Variants in NCOR2 observed in about 807,000 individuals in gnomAD.
NCOR2 encodes nuclear receptor corepressor 2.
In NCOR2, 81 loss-of-function variants were observed where a neutral mutation model predicts 262.9. The ratio of observed to expected loss-of-function variants is 0.31; its 90% CI spans 0.26 to 0.37. The LOEUF (loss-of-function observed/expected upper bound fraction) is 0.37, where lower values mean the gene tolerates loss of function less well. Ranked by LOEUF, NCOR2 falls within the 10% of genes least tolerant of loss-of-function variation. The pLI, the probability that NCOR2 is intolerant of heterozygous loss-of-function variation, is 1.00. For missense variants in NCOR2, 3,385 were observed against 3,621.4 expected (o/e 0.93, Z 1.68); for synonymous variants, 1,659 against 1,559.3 (o/e 1.06, Z -1.51).
chr12:124,564,863 G>A (rs1196113043), intron 1 of NCOR2, among the ~76,000 whole-genome samples: 4 of 151,500 alleles, frequency 2.6e-5, no homozygotes, highest in Non-Finnish European at 5.9e-5. Flanking sequence ...GACTCCTGGG[G>A]CTAGCTTCCA....
At position 124,432,857 on chromosome 12, in the gene NCOR2, G is replaced by A. The variant is rs1313794645; in HGVS notation, c.883-2070C>T. Among the ~76,000 whole-genome samples, 7 of 149,970 alleles carry A rather than the reference G, an allele frequency of 4.7e-5. No individual in the cohort carries two copies. Among genetic ancestry groups the A allele is most frequent in the Admixed American group, 1.3e-4 (2 of 15,150 alleles). The stretch of plus-strand genomic sequence containing the variant: ...CTCCAAGGTGACTTGAGCAAGTGGC[G>A]GCGGGGGGCGGGGGGTGGGGGCGGG... On this transcript the variant is annotated intron_variant, in intron 8 of 46. Transcript: ENST00000405201. This position sits in a 1 kb window ranked among gnomAD's most constrained non-coding sequence, Gnocchi z 5.1.
intron 1 of NCOR2, among the ~76,000 whole-genome samples, chr12:124,554,499 C>A (rs988179213): frequency 3.3e-5 from 5 of 152,332 alleles, no homozygotes; most frequent in East Asian, 3.9e-4. Context: ...AAAAGCCAGG[C>A]GCCCCCTTCT....
rs75137313 is a variant in NCOR2, at chr12:124,483,983, G to A, written c.234-210C>T. On this transcript the variant is annotated intron_variant, in intron 2 of 46. Transcript: ENST00000405201. This position sits in a 1 kb window ranked among gnomAD's most constrained non-coding sequence, Gnocchi z 6.3. ...GCCTTCCTTCAGGTCCACATTCACC[G>A]AGGACATTTACAGGGAGGGAGTGTG... Among the ~76,000 whole-genome samples the A allele has an allele frequency of 0.011, 1,671 of 152,246 alleles. 27 individuals carry two copies. The highest frequency in any genetic ancestry group is 0.038 in the African/African-American group (1,583 of 41,552).
intron 8 of NCOR2, among the ~76,000 whole-genome samples, chr12:124,431,451 G>C (rs1018138264): frequency 1.4e-5 from 2 of 147,532 alleles, no homozygotes; most frequent in African/African-American, 2.6e-5. Context: ...CAGACAGACA[G>C]TCATATAGGC....
intron 22 of NCOR2, among the ~76,000 whole-genome samples, chr12:124,361,141 A>G (rs1253883339): frequency 1.1e-3 from 152 of 133,546 alleles, no homozygotes; most frequent in Admixed American, 5.4e-3. Flanking sequence ...AAAAAAAAAA[A>G]AGAGAAGGGG....
chr12:124,527,191 G>A lies in NCOR2; in HGVS notation c.-118+8374C>T, dbSNP rs116212400. Among the ~76,000 whole-genome samples, 471 of 152,296 alleles carry A rather than the reference G, an allele frequency of 3.1e-3. 2 individuals carry two copies. The highest frequency in any genetic ancestry group is 0.011 in the African/African-American group (449 of 41,572). On this transcript the variant is annotated intron_variant, in intron 1 of 46. Transcript: ENST00000404621. Reference sequence around the variant, plus strand: ...GAACAGGCCGTGCTGAAGGGTAGATGACAAACACGGCGCCCCGCACAGACG... The same window carrying A: ...GAACAGGCCGTGCTGAAGGGTAGATAACAAACACGGCGCCCCGCACAGACG...
chr12:124,558,800 A>G (rs984404095), intron 1 of NCOR2, among the ~76,000 whole-genome samples: 4 of 152,084 alleles, frequency 2.6e-5, no homozygotes, highest in Admixed American at 6.5e-5. Flanking sequence ...TTGCACCCCA[A>G]CGGGCCCCTG....
At chr12:124,386,872 G>A (rs768512914) in intron 16 of NCOR2, among the ~76,000 whole-genome samples, 1 of 152,232 alleles carries the variant, frequency 6.6e-6, no homozygotes, top group Non-Finnish European at 1.5e-5. Context: ...CCAGCGGCGT[G>A]ACCTTGTGTG....
At chr12:124,385,935 A>G (rs778345216) in intron 16 of NCOR2, 48 bp from the exon 19 acceptor site, 15 of 1,591,702 alleles carry the variant, frequency 9.4e-6, no homozygotes, top group Middle Eastern at 3.3e-4. Context: ...CCCGGCACGC[A>G]GAGGGGGCCT....
chr12:124,348,549 C>T (rs559922804), intron 28 of NCOR2: 8 of 565,622 alleles, frequency 1.4e-5, no homozygotes, highest in East Asian at 6.1e-5. Context: ...ATGCAGGGCA[C>T]GCTGCCTGCA....
At position 124,482,442 on chromosome 12, in the gene NCOR2, C is replaced by T. The variant is rs2047544686; in HGVS notation, c.411+1154G>A. Reference sequence around the variant, plus strand: ...GTATCCTCTCTCCCCGAGAGAAGGCCGAGTCTGGCCCAGGTGGCCTGGCCC... The same window carrying T: ...GTATCCTCTCTCCCCGAGAGAAGGCTGAGTCTGGCCCAGGTGGCCTGGCCC... On this transcript the variant is annotated intron_variant, in intron 3 of 46. Coordinates refer to ENST00000405201, the Ensembl canonical transcript of NCOR2. This position sits in a 1 kb window ranked among gnomAD's most constrained non-coding sequence, Gnocchi z 6.3. 2.0e-5 allele frequency among the ~76,000 whole-genome samples: 3 copies of T among 152,186 alleles called. No homozygotes were observed. The highest frequency in any genetic ancestry group is 4.4e-5 in the Non-Finnish European group (3 of 68,018).
chr12:124,532,240 G>A (rs781456107), intron 1 of NCOR2, among the ~76,000 whole-genome samples: 5 of 150,286 alleles, frequency 3.3e-5, no homozygotes, highest in African/African-American at 4.9e-5. Flanking sequence ...CTACCATCAC[G>A]GTTCTTACTC....
chr12:124,333,326 AG>A (rs762722636), intron 41 of NCOR2, 47 bp from the exon 44 acceptor site: 63 of 1,470,880 alleles, frequency 4.3e-5, no homozygotes, highest in Admixed American at 2.3e-4. Flanking sequence ...CTCCCTACTG[AG>A]GGGGCGCACC....
At chr12:124,347,542 C>T (rs537708004) in intron 30 of NCOR2, 37 of 424,704 alleles carry the variant, frequency 8.7e-5, no homozygotes, top group African/African-American at 4.3e-4. Flanking sequence ...TAAAACGATA[C>T]GCAGGTGGCA....
chr12:124,328,346 G>A (rs186710303), intron 44 of NCOR2, among the ~76,000 whole-genome samples: 15 of 152,284 alleles, frequency 9.9e-5, no homozygotes, highest in African/African-American at 2.2e-4. Context: ...GTTACGGTGC[G>A]TGCAGGGGAC....
chr12:124,334,465 AC>A lies in NCOR2; in HGVS notation c.6563del (p.Gly2188ValfsTer41). ...TGTGGGGGGAGCCACGGGCCGGGGC[AC>A]CATGGTCCGGGGGCGGGAGGTAGAG... On this transcript the variant is annotated frameshift_variant, in exon 41 of 47. Coordinates refer to ENST00000405201, the Ensembl canonical transcript of NCOR2. LOFTEE classifies it high-confidence loss of function. 6.7e-7 allele frequency: 1 copy of A among 1,483,746 alleles called. No individual in the cohort carries two copies. Among genetic ancestry groups the A allele is most frequent in the South Asian group, 1.3e-5 (1 of 74,244 alleles). 91.9% of individuals were successfully genotyped at this position (1,483,746 alleles called of 1,614,324 possible). A position where few individuals can be genotyped will look rare whatever the true frequency, so the allele number is the denominator to read the frequency against.
chr12:124,450,089 C>T lies in NCOR2; in HGVS notation c.763-222G>A, dbSNP rs920246895. Among the ~76,000 whole-genome samples, 3 of 152,348 alleles carry T rather than the reference C, an allele frequency of 2.0e-5. 1 individual carries two copies. The Middle Eastern group carries it at 0.01, about 518-fold the overall frequency. The stretch of plus-strand genomic sequence containing the variant: ...AACAGCTGTGGGTACTGTGACCACC[C>T]CCACCAAGGTCGTCATGGCTGCTCT... On this transcript the variant is annotated intron_variant, in intron 6 of 46. Coordinates refer to ENST00000405201, the Ensembl canonical transcript of NCOR2.
intron 7 of NCOR2, among the ~76,000 whole-genome samples, chr12:124,441,010 T>G (rs1343842208): frequency 1.3e-5 from 2 of 152,118 alleles, no homozygotes; most frequent in African/African-American, 4.8e-5. Context: ...TGAGCAAGAC[T>G]GGCAGGGCCA....
At chr12:124,398,296 C>T (rs1020275785) in intron 15 of NCOR2, 115 bp from the exon 18 acceptor site, 21 of 1,152,872 alleles carry the variant, frequency 1.8e-5, no homozygotes, top group Middle Eastern at 4.7e-4. Flanking sequence ...ACGGTGTCAC[C>T]GCACGGCTCT....
Sources: allele counts gnomAD v4.1 joint callset (sites outside exome capture counted in the v4.1 genomes callset), GRCh38; gene constraint gnomAD v4.1.1; non-coding constraint Gnocchi (gnomAD v3.1); transcripts MANE v1.5; gene names NCBI Gene and HGNC (gene_info 2026-07-23, HGNC 2026-07-21).